DPP6: variants seen among roughly 807,000 people sequenced by gnomAD.
DPP6 encodes dipeptidyl peptidase like 6.
A neutral mutation model predicts 122.6 loss-of-function variants in DPP6; 69 were observed. The ratio of observed to expected loss-of-function variants is 0.56; its 90% CI spans 0.46 to 0.69. DPP6 has a LOEUF of 0.69. Ranked by LOEUF, DPP6 falls within the 30% of genes least tolerant of loss-of-function variation. The pLI is 0.00. For synonymous variants in DPP6, 418 were observed against 433.1 expected (o/e 0.97, Z 0.43); for missense variants, 928 against 1,116.9 (o/e 0.83, Z 2.41).
intron 1 of DPP6, among the ~76,000 whole-genome samples, chr7:153,994,292 T>G (rs1160188178): frequency 6.6e-6 from 1 of 151,894 alleles, no homozygotes; most frequent in Non-Finnish European, 1.5e-5. Context: ...CAGCAACTCC[T>G]CTGCCTAGCC....
chr7:154,531,075 T>G (rs1827804405), intron 3 of DPP6, among the ~76,000 whole-genome samples: 1 of 152,132 alleles, frequency 6.6e-6, no homozygotes, highest in Non-Finnish European at 1.5e-5. Context: ...GATGGGTCGA[T>G]CTCTGCAGCA....
chr7:153,915,625 A>G (rs1191312477), intron 1 of DPP6, among the ~76,000 whole-genome samples: 2 of 152,192 alleles, frequency 1.3e-5, no homozygotes, highest in African/African-American at 4.8e-5. Flanking sequence ...ATGTGAAGTG[A>G]AAACAAACCA....
chr7:153,898,215 G>A (rs564459377), intron 1 of DPP6, among the ~76,000 whole-genome samples: 8 of 152,188 alleles, frequency 5.3e-5, no homozygotes, highest in Admixed American at 2.0e-4. Flanking sequence ...CACTTTGGGA[G>A]GTCGAGGTGG....
At chr7:154,767,347 G>C (rs1795972559) in intron 8 of DPP6, among the ~76,000 whole-genome samples, 1 of 152,126 alleles carries the variant, frequency 6.6e-6, no homozygotes, top group Admixed American at 6.5e-5. Flanking sequence ...CCCACAAATT[G>C]CATTGCAAAT....
chr7:154,884,516 C>T (rs1057431367), intron 21 of DPP6: 1 of 151,692 alleles, frequency 6.6e-6, no homozygotes, highest in African/African-American at 2.4e-5. Flanking sequence ...CACATGCTCA[C>T]ACACATTCAC....
rs531069881 is a variant in DPP6, at chr7:154,864,743, G to A, written c.1715-3252G>A. ...AAATTTAATAGTCTGTTGCTTTGGT[G>A]CTTTCCTGTGAAGGGTGGGATTTCA... On this transcript the variant is annotated intron_variant, in intron 17 of 25. Coordinates refer to ENST00000377770, the MANE Select transcript of DPP6 (RefSeq NM_130797.4). 3.9e-5 allele frequency among the ~76,000 whole-genome samples: 6 copies of A among 152,318 alleles called. No individual in the cohort carries two copies. In the South Asian group the frequency reaches 1.2e-3, roughly 32 times the overall value.
rs113586888 is a variant in DPP6, at chr7:154,626,319, G to A, written c.628-11502G>A. Among the ~76,000 whole-genome samples, 923 of 152,266 alleles carry A rather than the reference G, an allele frequency of 6.1e-3. 10 individuals carry two copies. The highest frequency in any genetic ancestry group is 0.02 in the African/African-American group (832 of 41,544). ...TGGATGTCACAGATGTTTTTGAAAC[G>A]CATATTTGGAAACACAGTTGAAATC... On this transcript the variant is annotated intron_variant, in intron 5 of 25. Coordinates refer to ENST00000377770, the MANE Select transcript of DPP6 (RefSeq NM_130797.4).
At chr7:153,948,473 G>A (rs1301483731) in intron 1 of DPP6, among the ~76,000 whole-genome samples, 1 of 152,144 alleles carries the variant, frequency 6.6e-6, no homozygotes, top group African/African-American at 2.4e-5. Flanking sequence ...TCCCATGGAA[G>A]TCAGGAATCA....
intron 1 of DPP6, among the ~76,000 whole-genome samples, chr7:154,065,438 A>G (rs1802634194): frequency 1.3e-5 from 2 of 151,650 alleles, no homozygotes; most frequent in African/African-American, 4.9e-5. Context: ...ATTCCATTCC[A>G]GCATTCCCCC....
In DPP6 at chr7:154,727,794, T is replaced by C; in HGVS notation, c.790T>C (p.Tyr264His). ...ATTTATTTTTGAAAACAATATCTAC[T>C]ACTGTGCACATGTCGGGAAACAGGC... The part of the protein sequence containing the change: ...LIFIFENNIY[Y>H]CAHVGKQAIR... The change falls in exon 8 of 26, where the codon TAC becomes CAC. Residue 264 changes from tyrosine (Y) to histidine (H), a missense_variant. Tyr to His is a moderately conservative substitution (Grantham distance 83). Transcript: ENST00000377770. 1 of 1,613,858 alleles carries C rather than the reference T, an allele frequency of 6.2e-7. No individual in the cohort carries two copies. The highest frequency in any genetic ancestry group is 1.3e-5 in the African/African-American group (1 of 75,066).
chr7:153,936,860 G>A lies in DPP6; in HGVS notation c.51+49126G>A, dbSNP rs147860889. 1.0e-3 allele frequency among the ~76,000 whole-genome samples: 154 copies of A among 152,124 alleles called. No homozygotes were observed. In the Middle Eastern group the frequency reaches 0.01, roughly 10 times the overall value. ...AAGTGACGCGTGACCCTTCAGTACT[G>A]CCTCCAGAGCCAGGGATGGTACGCT... On this transcript the variant is annotated intron_variant, in intron 1 of 25. Coordinates refer to the DPP6 transcript ENST00000404039.
In DPP6 at chr7:153,912,309, A is replaced by G. The variant is rs1002392979; in HGVS notation, c.51+24575A>G. 9.8e-5 allele frequency among the ~76,000 whole-genome samples: 15 copies of G among 152,340 alleles called. No homozygotes were observed. In the East Asian group the frequency reaches 2.9e-3, roughly 29 times the overall value. On this transcript the variant is annotated intron_variant, in intron 1 of 25. Transcript: ENST00000404039. Reference sequence around the variant, plus strand: ...AATAAAACGAACTGGAACCGTCGCAAAGGATGCAGAGGAGGTGGCCTGACA... The same window carrying G: ...AATAAAACGAACTGGAACCGTCGCAGAGGATGCAGAGGAGGTGGCCTGACA...
chr7:154,376,598 G>A (rs1234311056), intron 1 of DPP6, among the ~76,000 whole-genome samples: 2 of 152,192 alleles, frequency 1.3e-5, no homozygotes, highest in African/African-American at 4.8e-5. Flanking sequence ...TTGTGTCCTA[G>A]AGCAGAAACT....
intron 1 of DPP6, among the ~76,000 whole-genome samples, chr7:154,371,436 C>CA (rs1232829062): frequency 9.8e-6 from 1 of 101,678 alleles, no homozygotes; most frequent in Admixed American, 9.1e-5. Flanking sequence ...AAAAAACAAA[C>CA]AAAAAAATGT....
intron 3 of DPP6, among the ~76,000 whole-genome samples, chr7:154,535,721 A>C (rs971800020): frequency 6.6e-6 from 1 of 152,186 alleles, no homozygotes; most frequent in African/African-American, 2.4e-5. Context: ...AAAATTTTTC[A>C]AGATAGTTTG....
At chr7:154,325,708 A>G (rs1438427134) in intron 1 of DPP6, among the ~76,000 whole-genome samples, 1 of 152,224 alleles carries the variant, frequency 6.6e-6, no homozygotes. Flanking sequence ...TGTTTTCATA[A>G]TCTATTGAGA....
the DPP6 span, among the ~76,000 whole-genome samples, chr7:153,798,592 C>G: frequency 6.6e-6 from 1 of 152,148 alleles, no homozygotes; most frequent in Admixed American, 6.5e-5. Flanking sequence ...TTTTTGGCAC[C>G]AGGGACTGGT....
At chr7:154,671,511 C>T (rs1392146773) in intron 7 of DPP6, among the ~76,000 whole-genome samples, 4 of 149,228 alleles carry the variant, frequency 2.7e-5, no homozygotes, top group African/African-American at 1.0e-4. Context: ...GGACTCCTGC[C>T]TCATTGTCTG....
chr7:154,264,484 G>GA (rs1473246156), intron 1 of DPP6, among the ~76,000 whole-genome samples: 6 of 152,024 alleles, frequency 3.9e-5, no homozygotes, highest in South Asian at 2.1e-4. Flanking sequence ...ATTTCCACTT[G>GA]AAAAAAATGG....
Sources: gnomAD v4.1 joint callset for allele counts (sites outside exome capture counted in the v4.1 genomes callset) on GRCh38, gnomAD v4.1.1 for gene constraint, MANE v1.5 for transcripts, NCBI Gene and HGNC (gene_info 2026-07-23, HGNC 2026-07-21) for gene names.